The following ADGRB2 variants were observed in gnomAD, a reference collection of about 807,000 sequenced individuals.
ADGRB2 encodes adhesion G protein-coupled receptor B2.
ADGRB2 carries 47 observed loss-of-function variants against 178.7 expected under a neutral mutation model. The ratio of observed to expected loss-of-function variants is 0.26; its 90% CI spans 0.21 to 0.34. ADGRB2 has a LOEUF of 0.34. ADGRB2 is among the 10% of genes least tolerant of loss of function. The probability of loss-of-function intolerance (pLI) is 1.00; values close to 1 mark genes in which losing one functional copy is unlikely to be tolerated. For missense variants in ADGRB2, 1,584 were observed against 2,180.8 expected (o/e 0.73, Z 5.45); for synonymous variants, 870 against 912.4 (o/e 0.95, Z 0.84).
intron 6 of ADGRB2, 57 bp from the exon 7 acceptor site, chr1:31,743,059 G>A (rs1295853752): frequency 2.2e-6 from 3 of 1,347,532 alleles, no homozygotes; most frequent in Non-Finnish European, 1.9e-6. Context: ...CCCACCACCG[G>A]CGCCTGCCCA....
At chr1:31,739,781 T>G in intron 14 of ADGRB2, 145 bp downstream of exon 14, 1 of 1,189,844 alleles carries the variant, frequency 8.4e-7, no homozygotes, top group African/African-American at 1.5e-5. Flanking sequence ...GAGACAGACA[T>G]ACACAGAGAA....
chr1:31,750,661 C>T (rs944999744), intron 4 of ADGRB2, among the ~76,000 whole-genome samples: 1 of 152,136 alleles, frequency 6.6e-6, no homozygotes, highest in Non-Finnish European at 1.5e-5. Context: ...GGTCCCAGAG[C>T]CCTGAGCAGG....
Position 31,733,027 on chromosome 1 carries a change from A to AAG in ADGRB2, c.3567_3568dup (p.Phe1190SerfsTer25). On this transcript the variant is annotated frameshift_variant, in exon 26 of 33. Coordinates refer to ENST00000373658, the MANE Select transcript of ADGRB2 (RefSeq NM_001364857.2). LOFTEE classifies it high-confidence loss of function. The surrounding 1 kb of genome is among the most constrained non-coding windows in gnomAD (Gnocchi z 4.3). Reference sequence around the variant, plus strand: ...GATGACAAAGCCCTGCGCGGAGTTGAAGACAGCAAAGAGGGCCTGGAAGAG... The same window carrying AAG: ...GATGACAAAGCCCTGCGCGGAGTTGAAGAGACAGCAAAGAGGGCCTGGAAGAG... 1 of 1,573,012 alleles carries AAG rather than the reference A, an allele frequency of 6.4e-7. No individual in the cohort carries two copies.
Position 31,741,763 on chromosome 1 carries a change from A to G in ADGRB2, c.1585+37T>C, listed in dbSNP as rs1645982664. 6.2e-7 allele frequency: 1 copy of G among 1,600,592 alleles called. No individual in the cohort carries two copies. The highest frequency in any genetic ancestry group is 1.3e-5 in the African/African-American group (1 of 74,634). The stretch of plus-strand genomic sequence containing the variant: ...GGGTAAGGTTCAGCTGGGTCCACAC[A>G]TGGGGCCCCCAGCCCCCAGGGTCAT... On this transcript the variant is annotated intron_variant, in intron 9 of 32. Transcript: ENST00000373658. The surrounding 1 kb of genome is among the most constrained non-coding windows in gnomAD (Gnocchi z 6.5).
At chr1:31,751,639 A>G (rs774436811) in intron 4 of ADGRB2, among the ~76,000 whole-genome samples, 1 of 152,188 alleles carries the variant, frequency 6.6e-6, no homozygotes, top group Non-Finnish European at 1.5e-5. Context: ...GTTATCTTCT[A>G]TTTCAGATAA....
rs149701008 is a variant in ADGRB2, at chr1:31,727,462, C to A, written c.4716G>T (p.Glu1572Asp). ...RLTLHRAAAW[E>D]PTEPPDGDFQ... ...AGTCACCATCCGGTGGTTCTGTGGG[C>A]TCCCAGGCTGCTGCCCGGTGCAGAG... Residue 1572 changes from glutamate to aspartate, a missense_variant, in exon 33 of 33, where the codon GAG (glutamate) becomes GAT (aspartate). By Grantham distance (45) the Glu-to-Asp change is conservative. Around this residue, in one of 3 missense-constraint regions of ADGRB2, gnomAD observed 865 missense variants for 1,192.8 expected, o/e 0.73. Transcript: ENST00000373658. The surrounding 1 kb of genome is among the most constrained non-coding windows in gnomAD (Gnocchi z 4.4). 2 of 1,590,862 alleles carry A rather than the reference C, an allele frequency of 1.3e-6. No individual in the cohort carries two copies. Among genetic ancestry groups the A allele is most frequent in the Non-Finnish European group, 1.7e-6 (2 of 1,173,622 alleles).
chr1:31,763,657 C>G (rs1478668834), intron 1 of ADGRB2, among the ~76,000 whole-genome samples: 11 of 148,414 alleles, frequency 7.4e-5, no homozygotes, highest in African/African-American at 2.5e-4. Context: ...AGGGGGGGGG[C>G]CGAGATTAGA....
chr1:31,730,976 C>A lies in ADGRB2; in HGVS notation c.4204G>T (p.Asp1402Tyr). 1 of 1,566,028 alleles carries A rather than the reference C, an allele frequency of 6.4e-7. No individual in the cohort carries two copies. Reference sequence around the variant, plus strand: ...GGGCCCAGCCCCAGGCCCGAGTGGTCCACGGACAGGAAGCTGGGGTAGCCT... The same window carrying A: ...GGGCCCAGCCCCAGGCCCGAGTGGTACACGGACAGGAAGCTGGGGTAGCCT... ...TEGYPSFLSV[D>Y]HSGLGLGPAY... The change falls in exon 29 of 33, where the codon GAC becomes TAC. Residue 1402 changes from aspartate to tyrosine, a missense_variant. By Grantham distance (160) the Asp-to-Tyr change is radical (BLOSUM62 -3). Transcript: ENST00000373658.
chr1:31,739,630 T>G lies in ADGRB2; in HGVS notation c.2173A>C (p.Ser725Arg). The G allele has an allele frequency of 6.3e-7, 1 of 1,583,874 alleles. No homozygotes were observed. Among genetic ancestry groups the G allele is most frequent in the Non-Finnish European group, 8.6e-7 (1 of 1,162,796 alleles). ...GCTGAGACGGGCTCTCGCTGAATGCTGATCACTGCAGTGGGAGGAGGGTGG... is the reference window on the plus strand; with the variant it reads ...GCTGAGACGGGCTCTCGCTGAATGCGGATCACTGCAGTGGGAGGAGGGTGG... ...SLIVTDNLVISIQREPVSAVS... is the reference protein window; with the variant it reads ...SLIVTDNLVIRIQREPVSAVS... Residue 725 changes from serine to arginine, a missense_variant, in exon 15 of 33, where the codon AGC becomes CGC. Ser to Arg is a moderately radical substitution (Grantham distance 110, BLOSUM62 -1). Around this residue, in one of 3 missense-constraint regions of ADGRB2, gnomAD observed 865 missense variants for 1,192.8 expected, o/e 0.73. Transcript: ENST00000373658.
chr1:31,756,066 G>A lies in ADGRB2; in HGVS notation c.771C>T (p.Ala257=), dbSNP rs750352705. 4 of 1,614,104 alleles carry A rather than the reference G, an allele frequency of 2.5e-6. No homozygotes were observed. The highest frequency in any genetic ancestry group is 3.4e-6 in the Non-Finnish European group (4 of 1,180,012). Residue 257 remains alanine (A), a synonymous_variant, in exon 4 of 33, where the codon GCC becomes GCT. Coordinates refer to ENST00000373658, the MANE Select transcript of ADGRB2 (RefSeq NM_001364857.2). This position sits in a 1 kb window ranked among gnomAD's most constrained non-coding sequence, Gnocchi z 8.5. ...AGTGCAAATCGGCCTCAGCAGGTGGGGCTGGGCCCCCGGGCACCAGGGCAT... is the reference window on the plus strand; with the variant it reads ...AGTGCAAATCGGCCTCAGCAGGTGGAGCTGGGCCCCCGGGCACCAGGGCAT... ...LSNALVPGGP[A]PPAEADLHSG... is the part of the protein sequence containing the mutation.
intron 28 of ADGRB2, 126 bp downstream of exon 28, chr1:31,731,989 G>T (rs1645310660): frequency 4.0e-6 from 5 of 1,244,672 alleles, no homozygotes; most frequent in South Asian, 1.3e-5. Flanking sequence ...CCAGCTCAGG[G>T]CTGTCTAACT....
Position 31,741,410 on chromosome 1 carries a change from C to T in ADGRB2, c.1757G>A (p.Arg586His), listed in dbSNP as rs775608837. 8 of 1,606,984 alleles carry T rather than the reference C, an allele frequency of 5.0e-6. No individual in the cohort carries two copies. The highest frequency in any genetic ancestry group is 6.8e-6 in the Non-Finnish European group (8 of 1,177,040). Residue 586 changes from arginine (R) to histidine (H), a missense_variant, in exon 11 of 33, where the codon CGC (arginine) becomes CAC (histidine). Physicochemically the swap from Arg to His is conservative, Grantham distance 29. Coordinates refer to ENST00000373658, the MANE Select transcript of ADGRB2 (RefSeq NM_001364857.2). This position sits in a 1 kb window ranked among gnomAD's most constrained non-coding sequence, Gnocchi z 6.5. ...GTAGCGGTACTCATGGGAGATGCAG[C>T]GAGCAAAGCTGGGCAGCCCCCAGTA... ...VAYWGLPSFA[R>H]CISHEYRYLY...
Position 31,744,116 on chromosome 1 carries a change from T to C in ADGRB2, c.1087+77A>G, listed in dbSNP as rs1033083181. On this transcript the variant is annotated intron_variant, in intron 6 of 32. Transcript: ENST00000373658. The surrounding 1 kb of genome is among the most constrained non-coding windows in gnomAD (Gnocchi z 6.7). ...TGAAAGGAGGAGGCAACCAACCATT[T>C]TGGAGATTAATCTGCCCAAGTCCCA... is the stretch of plus-strand genomic sequence containing the variant. 1.4e-6 allele frequency: 2 copies of C among 1,439,308 alleles called. No homozygotes were observed. The highest frequency in any genetic ancestry group is 1.4e-5 in the African/African-American group (1 of 69,310). The allele number at this position is 1,439,308 out of a possible 1,614,324, so 89.2% of individuals were successfully genotyped here. A position where few individuals can be genotyped will look rare whatever the true frequency, so the allele number is the denominator to read the frequency against.
chr1:31,738,882 G>T lies in ADGRB2; in HGVS notation c.2551C>A (p.Gln851Lys). Reference protein sequence around the residue: ...VMTVTVRPPTQPPAEPLITVE... With the variant: ...VMTVTVRPPTKPPAEPLITVE... ...GTGATGAGGGGCTCAGCTGGAGGCTGGGTAGGGGGGCGCACAGTCACTGTC... is the reference window on the plus strand; with the variant it reads ...GTGATGAGGGGCTCAGCTGGAGGCTTGGTAGGGGGGCGCACAGTCACTGTC... Residue 851 changes from glutamine to lysine, a missense_variant, in exon 16 of 33, where the codon CAG (glutamine) becomes AAG (lysine). This residue lies in a region of ADGRB2 where 865 missense variants were observed against 1,192.8 expected (regional missense o/e 0.73). Coordinates refer to ENST00000373658, the MANE Select transcript of ADGRB2 (RefSeq NM_001364857.2). 1.9e-6 allele frequency: 3 copies of T among 1,613,958 alleles called. No individual in the cohort carries two copies. The highest frequency in any genetic ancestry group is 2.5e-6 in the Non-Finnish European group (3 of 1,180,010).
chr1:31,742,910 G>C lies in ADGRB2; in HGVS notation c.1180C>G (p.Pro394Ala). The change falls in exon 7 of 33, where the codon CCC becomes GCC. Residue 394 changes from proline (P) to alanine (A), a missense_variant. Pro to Ala is a conservative substitution (Grantham distance 27). Around this residue, in one of 3 missense-constraint regions of ADGRB2, gnomAD observed 657 missense variants for 847.6 expected, o/e 0.78. Transcript: ENST00000373658. ...TCGCAGGCCTTGCCGCCGTGCTGGGGGGGCACGCAGGTCCGCATCCGGCTC... is the reference window on the plus strand; with the variant it reads ...TCGCAGGCCTTGCCGCCGTGCTGGGCGGGCACGCAGGTCCGCATCCGGCTC... ...SRSRMRTCVP[P>A]QHGGKACEGP... is the part of the protein sequence containing the mutation. 1.3e-6 allele frequency: 2 copies of C among 1,542,042 alleles called. No individual in the cohort carries two copies. The highest frequency in any genetic ancestry group is 2.5e-5 in the East Asian group (1 of 40,314).
intron 4 of ADGRB2, among the ~76,000 whole-genome samples, chr1:31,749,263 G>A (rs762018766): frequency 6.6e-6 from 1 of 152,192 alleles, no homozygotes; most frequent in Non-Finnish European, 1.5e-5. Context: ...CCCCAGCTGA[G>A]GAAGTCTTCA....
chr1:31,763,826 GA>G, intron 1 of ADGRB2, 57 bp downstream of exon 1: 2 of 985,012 alleles, frequency 2.0e-6, no homozygotes, highest in African/African-American at 3.5e-5. Flanking sequence ...GGAAACTCGG[GA>G]CCGCGCCGGC....
Position 31,761,610 on chromosome 1 carries a change from G to A in ADGRB2, c.-191+2274C>T, listed in dbSNP as rs1410133366. On this transcript the variant is annotated intron_variant, in intron 1 of 32. Transcript: ENST00000373658. The surrounding 1 kb of genome is among the most constrained non-coding windows in gnomAD (Gnocchi z 4.2). The stretch of plus-strand genomic sequence containing the variant: ...AGAGCTGATCCCAGAGAAATATAGT[G>A]GGAAGTTGCAGGACCAAGGAGGAGA... 6.6e-6 allele frequency among the ~76,000 whole-genome samples: 1 copy of A among 152,142 alleles called. No homozygotes were observed. The highest frequency in any genetic ancestry group is 1.5e-5 in the Non-Finnish European group (1 of 68,022).
rs1553185114 is a variant in ADGRB2, at chr1:31,740,895, G to GCGCACA, written c.1795-355_1795-354insTGTGCG. Among the ~76,000 whole-genome samples the GCGCACA allele has an allele frequency of 0.17, 23,467 of 140,484 alleles. 2,363 individuals are homozygous for GCGCACA. The highest frequency in any genetic ancestry group is 0.23 in the Non-Finnish European group (15,070 of 64,890). The allele number at this position is 140,484 out of a possible 152,430, so 92.2% of individuals were successfully genotyped here. ...AATGAGCATGTGTGTGGGCGCGCGC[G>GCGCACA]CACACACACACACACACACACACAC... On this transcript the variant is annotated intron_variant, in intron 11 of 32. Transcript: ENST00000373658. The surrounding 1 kb of genome is among the most constrained non-coding windows in gnomAD (Gnocchi z 5.9).
Sources: gnomAD v4.1 joint callset for allele counts (sites outside exome capture counted in the v4.1 genomes callset) on GRCh38, gnomAD v4.1.1 for gene constraint, gnomAD v4.1.1 regional missense constraint, Gnocchi (gnomAD v3.1) non-coding constraint, MANE v1.5 for transcripts, NCBI Gene and HGNC (gene_info 2026-07-23, HGNC 2026-07-21) for gene names.